Variants in RASSF2 observed in about 807,000 individuals in gnomAD.
RASSF2 encodes ras association domain-containing protein 2.
Under a neutral mutation model 46.3 loss-of-function variants are expected in RASSF2, and 34 were observed. The observed-to-expected ratio is 0.73, with a 90% confidence interval of 0.56 to 0.98. The LOEUF is 0.98. RASSF2 is among the 50% of genes least tolerant of loss of function. RASSF2 has a pLI of 0.00. For synonymous variants in RASSF2, 158 were observed against 162.5 expected, an observed-to-expected ratio of 0.97 and a Z score of 0.21; for missense variants, 364 against 431.2, an observed-to-expected ratio of 0.84 and a Z score of 1.38.
At chr20:4,798,774 T>C (rs557952211) in intron 3 of RASSF2, among the ~76,000 whole-genome samples, 7 of 150,114 alleles carry the variant, frequency 4.7e-5, no homozygotes, top group Admixed American at 4.0e-4. Context: ...TGCAGTGAGC[T>C]GAGATCGCGC....
Position 4,789,821 on chromosome 20 carries a change from G to A in RASSF2, c.538-124C>T, listed in dbSNP as rs75293539. On this transcript the variant is annotated intron_variant, in intron 7 of 11. Transcript: ENST00000379400. ...ATGTACTCCCTGGGAGCCCCCGGCA[G>A]ACTGGCAAGCAGCAGGCTTTGTAGA... 8.7e-3 allele frequency: 6,534 copies of A among 754,868 alleles called. 293 individuals are homozygous for A. The East Asian group carries it at 0.1, about 12-fold the overall frequency. The allele number at this position is 754,868 out of a possible 1,614,324, so 46.8% of individuals were successfully genotyped here. A position where few individuals can be genotyped will look rare whatever the true frequency, so the allele number is the denominator to read the frequency against.
intron 4 of RASSF2, 22 bp downstream of exon 4, chr20:4,797,988 G>A (rs199866055): frequency 6.8e-5 from 109 of 1,612,882 alleles, no homozygotes; most frequent in Non-Finnish European, 9.1e-5. Flanking sequence ...GCCAATCAGG[G>A]CCGTCCCTGG....
chr20:4,782,045 AT>A lies in RASSF2; in HGVS notation c.*2227del, dbSNP rs1385812694. ...GTGGAAGTGTGTTGTGTGAGATGGG[AT>A]CTCCTCTCACTTCCACCTCCTGACC... On this transcript the variant is annotated 3_prime_UTR_variant, in exon 12 of 12. Transcript: ENST00000379400. 3 of 152,164 alleles carry A rather than the reference AT, an allele frequency of 2.0e-5. No homozygotes were observed. The highest frequency in any genetic ancestry group is 7.2e-5 in the African/African-American group (3 of 41,434). 9.4% of individuals were successfully genotyped at this position (152,164 alleles called of 1,614,324 possible).
intron 4 of RASSF2, among the ~76,000 whole-genome samples, chr20:4,796,657 A>G (rs551774022): frequency 6.6e-6 from 1 of 152,364 alleles, no homozygotes; most frequent in East Asian, 1.9e-4. Context: ...GACTAATTAG[A>G]CATTAAATGT....
At chr20:4,788,749 G>A (rs949685041) in intron 8 of RASSF2, among the ~76,000 whole-genome samples, 1 of 152,210 alleles carries the variant, frequency 6.6e-6, no homozygotes, top group South Asian at 2.1e-4. Context: ...GACCACTGTC[G>A]TATATGTGGT....
chr20:4,821,450 G>T (rs895320894), intron 2 of RASSF2, among the ~76,000 whole-genome samples: 1 of 152,084 alleles, frequency 6.6e-6, no homozygotes, highest in African/African-American at 2.4e-5. Context: ...GGCACGAAAA[G>T]GGACCTCAGA....
intron 2 of RASSF2, among the ~76,000 whole-genome samples, chr20:4,808,941 A>T (rs1320648925): frequency 6.6e-6 from 1 of 152,250 alleles, no homozygotes; most frequent in Non-Finnish European, 1.5e-5. Context: ...TTGAATGTCT[A>T]CTAACCACAA....
chr20:4,790,515 GGCGT>G lies in RASSF2; in HGVS notation c.469_472del (p.Thr157LeufsTer42). 6.5e-7 allele frequency: 1 copy of G among 1,533,568 alleles called. No homozygotes were observed. Among genetic ancestry groups the G allele is most frequent in the Admixed American group, 2.3e-5 (1 of 43,572 alleles). 95.0% of individuals were successfully genotyped at this position (1,533,568 alleles called of 1,614,324 possible). On this transcript the variant is annotated frameshift_variant, in exon 7 of 12. Coordinates refer to ENST00000379400, the MANE Select transcript of RASSF2 (RefSeq NM_014737.3). LOFTEE classifies it high-confidence loss of function. This position sits in a 1 kb window ranked among gnomAD's most constrained non-coding sequence, Gnocchi z 4.3. The stretch of plus-strand genomic sequence containing the variant: ...GCGTCTGATTCGCCGCTGGTCACTA[GGCGT>G]CCTCACATTGCCACGGCGACGCACC...
At chr20:4,806,370 T>C (rs1927342972) in intron 2 of RASSF2, among the ~76,000 whole-genome samples, 1 of 152,218 alleles carries the variant, frequency 6.6e-6, no homozygotes, top group South Asian at 2.1e-4. Context: ...CTTCTCACTC[T>C]CCAACACTGG....
At chr20:4,808,755 G>A (rs1927546323) in intron 2 of RASSF2, among the ~76,000 whole-genome samples, 1 of 152,174 alleles carries the variant, frequency 6.6e-6, no homozygotes, top group Non-Finnish European at 1.5e-5. Context: ...ACAATGCTGT[G>A]ATTACAGGTG....
intron 3 of RASSF2, among the ~76,000 whole-genome samples, chr20:4,800,431 G>A (rs1407448068): frequency 2.6e-5 from 4 of 152,168 alleles, no homozygotes; most frequent in Non-Finnish European, 4.4e-5. Context: ...CTGGTGGCCA[G>A]GAAGTCCAAC....
Position 4,786,270 on chromosome 20 carries a change from T to C in RASSF2, c.872A>G (p.Gln291Arg). ...PVLKSFIQKL[Q>R]EEEDREVKKL... ...CTTTACTTCCCGATCTTCTTCCTCC[T>C]GGAGCTTCTGAATGAAGCTTTTAAG... Residue 291 changes from glutamine to arginine, a missense_variant, in exon 11 of 12, where the codon CAG becomes CGG. By Grantham distance (43) the Gln-to-Arg change is conservative. Transcript: ENST00000379400. The C allele has an allele frequency of 6.2e-7, 1 of 1,613,684 alleles. No homozygotes were observed. The highest frequency in any genetic ancestry group is 8.5e-7 in the Non-Finnish European group (1 of 1,179,550).
At chr20:4,805,347 C>T (rs761133490) in intron 2 of RASSF2, among the ~76,000 whole-genome samples, 23 of 152,048 alleles carry the variant, frequency 1.5e-4, no homozygotes, top group Middle Eastern at 3.4e-3. Flanking sequence ...AATCTGAAAA[C>T]GCTGCACTGT....
intron 2 of RASSF2, among the ~76,000 whole-genome samples, chr20:4,814,935 G>T (rs1928172950): frequency 6.6e-6 from 1 of 152,236 alleles, no homozygotes; most frequent in Admixed American, 6.5e-5. Context: ...CCTCCACGTG[G>T]CCCGCAGAGG....
chr20:4,792,850 G>T (rs1444590627), intron 5 of RASSF2: 24 of 808,982 alleles, frequency 3.0e-5, no homozygotes, highest in Non-Finnish European at 4.4e-5. Context: ...GGCAGGGGGA[G>T]TTCCGGAGGG....
In RASSF2 at chr20:4,808,486, CTT is replaced by C. The variant is rs11431404; in HGVS notation, c.-32-7426_-32-7425del. ...AAGAAAGGGCAAATTTTACACAAAT[CTT>C]TTTTTTTTTTTTTTTTGAGACAGGG... On this transcript the variant is annotated intron_variant, in intron 2 of 11. Coordinates refer to ENST00000379400, the MANE Select transcript of RASSF2 (RefSeq NM_014737.3). 9.2e-4 allele frequency among the ~76,000 whole-genome samples: 121 copies of C among 131,602 alleles called. 1 individual carries two copies. Among genetic ancestry groups the C allele is most frequent in the Admixed American group, 3.6e-3 (47 of 12,886 alleles). 86.3% of individuals were successfully genotyped at this position (131,602 alleles called of 152,430 possible). A position where few individuals can be genotyped will look rare whatever the true frequency, so the allele number is the denominator to read the frequency against.
chr20:4,807,128 T>C (rs1031348107), intron 2 of RASSF2, among the ~76,000 whole-genome samples: 2 of 152,186 alleles, frequency 1.3e-5, no homozygotes, highest in Non-Finnish European at 2.9e-5. Context: ...GCAGCAGTTC[T>C]AAATAGCAGG....
intron 2 of RASSF2, among the ~76,000 whole-genome samples, chr20:4,811,297 G>A (rs13038953): frequency 0.37 from 54,841 of 147,160 alleles, 10,672 homozygotes; most frequent in Admixed American, 0.48. Context: ...GTTGCAGTGC[G>A]CTATGATGGT....
At chr20:4,792,351 A>G (rs1925960572) in intron 6 of RASSF2, among the ~76,000 whole-genome samples, 188 bp downstream of exon 6, 1 of 151,692 alleles carries the variant, frequency 6.6e-6, no homozygotes, top group African/African-American at 2.4e-5. Flanking sequence ...TGCATGGACT[A>G]TCCCACGAAG....
Sources: allele counts gnomAD v4.1 joint callset (sites outside exome capture counted in the v4.1 genomes callset), GRCh38; gene constraint gnomAD v4.1.1; non-coding constraint Gnocchi (gnomAD v3.1); transcripts MANE v1.5; gene names NCBI Gene and HGNC (gene_info 2026-07-23, HGNC 2026-07-21).